The following SPEF2 variants were observed in gnomAD, a reference collection of about 807,000 sequenced individuals.
SPEF2 encodes the protein sperm flagella and cilia-associated protein 2.
Under a neutral mutation model 224.6 loss-of-function variants are expected in SPEF2, and 187 were observed. That is an observed-to-expected ratio of 0.83 (90% confidence interval 0.74 to 0.94). The LOEUF is 0.94. SPEF2 is among the 40% of genes least tolerant of loss of function. The pLI is 0.00. For missense variants in SPEF2, 2,170 were observed against 2,135.6 expected (o/e 1.02, Z -0.32); for synonymous variants, 715 against 707.3 (o/e 1.01, Z -0.17).
At chr5:35,751,052 TATACGTATATATATGTATATATATATAC>T (rs1749457014) in intron 23 of SPEF2, among the ~76,000 whole-genome samples, 29 of 57,486 alleles carry the variant, frequency 5.0e-4, no homozygotes, top group Non-Finnish European at 8.6e-4. Context: ...TGTATATATA[TATACGTATATATATGTATATATATATAC>T]ACACACACAC....
At chr5:35,739,648 T>C (rs1747245497) in intron 21 of SPEF2, among the ~76,000 whole-genome samples, 1 of 152,198 alleles carries the variant, frequency 6.6e-6, no homozygotes, top group South Asian at 2.1e-4. Flanking sequence ...CCCAAAGTGC[T>C]GGGATTACAG....
chr5:35,631,887 T>G (rs1745188540), intron 2 of SPEF2, among the ~76,000 whole-genome samples: 1 of 152,226 alleles, frequency 6.6e-6, no homozygotes, highest in South Asian at 2.1e-4. Flanking sequence ...GTATTATAAG[T>G]AATCTAGAGA....
chr5:35,773,823 T>G, intron 27 of SPEF2, 70 bp from the exon 28 acceptor site: 1 of 1,502,242 alleles, frequency 6.7e-7, no homozygotes, highest in Admixed American at 2.2e-5. Flanking sequence ...TTGTGCTCAT[T>G]CTGTCCAAGT....
At chr5:35,762,923 G>C (rs1360739076) in intron 25 of SPEF2, among the ~76,000 whole-genome samples, 3 of 152,112 alleles carry the variant, frequency 2.0e-5, no homozygotes. Flanking sequence ...AAACCTTTGT[G>C]GGGGTGGTGC....
intron 26 of SPEF2, among the ~76,000 whole-genome samples, chr5:35,770,322 A>G (rs975520028): frequency 2.0e-5 from 3 of 152,122 alleles, no homozygotes; most frequent in African/African-American, 7.2e-5. Flanking sequence ...GCTAATTACC[A>G]TATCTGTTAC....
chr5:35,720,959 A>G (rs1450178311), intron 20 of SPEF2, among the ~76,000 whole-genome samples: 1 of 74,844 alleles, frequency 1.3e-5, no homozygotes, highest in Non-Finnish European at 3.7e-5. Context: ...GATTACCATA[A>G]ACTATTTATT....
chr5:35,627,124 A>G (rs2149366374), intron 1 of SPEF2, among the ~76,000 whole-genome samples: 1 of 151,898 alleles, frequency 6.6e-6, no homozygotes, highest in East Asian at 1.9e-4. Context: ...AGCAGGTTGA[A>G]TATCTGTGGA....
intron 27 of SPEF2, among the ~76,000 whole-genome samples, chr5:35,773,644 C>A (rs1158815409): frequency 6.6e-6 from 1 of 152,068 alleles, no homozygotes; most frequent in African/African-American, 2.4e-5. Context: ...TGCTACATAC[C>A]TTATTTTTTA....
chr5:35,679,744 C>T (rs1174851843), intron 10 of SPEF2, among the ~76,000 whole-genome samples: 1 of 152,174 alleles, frequency 6.6e-6, no homozygotes, highest in Non-Finnish European at 1.5e-5. Context: ...TAGGACCTGC[C>T]ATCTCCTGAC....
chr5:35,789,907 A>G, intron 30 of SPEF2: 1 of 703,006 alleles, frequency 1.4e-6, no homozygotes, highest in Admixed American at 2.0e-5. Context: ...GCATGTTGAA[A>G]TTAGAGATTT....
chr5:35,780,533 G>A (rs1219084696), intron 30 of SPEF2, among the ~76,000 whole-genome samples: 1 of 152,098 alleles, frequency 6.6e-6, no homozygotes, highest in Non-Finnish European at 1.5e-5. Context: ...GCCATCAGCA[G>A]GTACAAAAAA....
chr5:35,804,214 G>C (rs1281941924), intron 34 of SPEF2, among the ~76,000 whole-genome samples: 1 of 152,196 alleles, frequency 6.6e-6, no homozygotes, highest in African/African-American at 2.4e-5. Flanking sequence ...TGAGCTGATT[G>C]AATGATAGAA....
intron 30 of SPEF2, among the ~76,000 whole-genome samples, chr5:35,785,209 C>T (rs1754928176): frequency 6.6e-6 from 1 of 152,170 alleles, no homozygotes; most frequent in Admixed American, 6.5e-5. Flanking sequence ...TGGCCCCCAC[C>T]TGCCTTTGCT....
intron 20 of SPEF2, among the ~76,000 whole-genome samples, chr5:35,725,607 T>G (rs899674120): frequency 1.3e-5 from 2 of 152,204 alleles, no homozygotes; most frequent in African/African-American, 4.8e-5. Context: ...AACTGTTTAC[T>G]TTCTTAGTTG....
chr5:35,779,091 A>G (rs750539155), intron 29 of SPEF2, 26 bp from the exon 30 acceptor site: 2 of 1,553,210 alleles, frequency 1.3e-6, no homozygotes, highest in East Asian at 2.2e-5. Context: ...TCATGGGGTT[A>G]ACGCTATCCA....
intron 21 of SPEF2, among the ~76,000 whole-genome samples, chr5:35,734,714 T>C (rs1019751976): frequency 1.8e-4 from 26 of 144,760 alleles, no homozygotes; most frequent in African/African-American, 2.3e-4. Flanking sequence ...TTTTTCTTTT[T>C]TTTTTTTTTT....
intron 18 of SPEF2, among the ~76,000 whole-genome samples, chr5:35,707,049 C>CAGTTA (rs1739923250): frequency 6.6e-6 from 1 of 152,154 alleles, no homozygotes; most frequent in African/African-American, 2.4e-5. Flanking sequence ...TTAATAGACT[C>CAGTTA]AGTTATCACT....
At chr5:35,741,817 C>G (rs1358559311) in intron 23 of SPEF2, among the ~76,000 whole-genome samples, 1 of 152,146 alleles carries the variant, frequency 6.6e-6, no homozygotes, top group African/African-American at 2.4e-5. Context: ...AACCCTACAA[C>G]TTTTTTTCTG....
chr5:35,630,270 C>T (rs1406363638), intron 2 of SPEF2, among the ~76,000 whole-genome samples: 4 of 152,148 alleles, frequency 2.6e-5, no homozygotes, highest in African/African-American at 9.7e-5. Context: ...GACGGTTGCC[C>T]TCTTCTCATA....
Sources: gnomAD v4.1 joint callset for allele counts (sites outside exome capture counted in the v4.1 genomes callset) on GRCh38, gnomAD v4.1.1 for gene constraint, MANE v1.5 for transcripts, NCBI Gene and HGNC (gene_info 2026-07-23, HGNC 2026-07-21) for gene names.